The following ABCA1 variants were observed in gnomAD, a reference collection of about 807,000 sequenced individuals.
ABCA1 encodes the protein ATP binding cassette subfamily A member 1, also known as phospholipid-transporting ATPase ABCA1.
Under a neutral mutation model 262.5 loss-of-function variants are expected in ABCA1, and 133 were observed. The observed-to-expected ratio is 0.51, with a 90% CI of 0.44 to 0.59. ABCA1 has a LOEUF of 0.59. Among genes scored for constraint, ABCA1 ranks in the 20% least tolerant of loss-of-function variants. ABCA1 has a pLI of 0.00. For missense variants in ABCA1, 2,452 were observed against 2,777.5 expected, an observed-to-expected ratio of 0.88 and a Z score of 2.63; for synonymous variants, 1,022 against 1,043.5, an observed-to-expected ratio of 0.98 and a Z score of 0.40.
intron 5 of ABCA1, among the ~76,000 whole-genome samples, chr9:104,870,865 G>A (rs575601804): frequency 6.6e-6 from 1 of 152,220 alleles, no homozygotes; most frequent in South Asian, 2.1e-4. Context: ...AGGGGCAGGG[G>A]GTCACAAGGT....
At chr9:104,816,418 A>C (rs1588284507) in intron 24 of ABCA1, 73 bp from the exon 25 acceptor site, 11 of 1,432,626 alleles carry the variant, frequency 7.7e-6, no homozygotes, top group Admixed American at 3.4e-5. Context: ...GCCATCCCCC[A>C]CCCTCTCATC....
At chr9:104,868,085 C>G (rs1366862542) in intron 5 of ABCA1, among the ~76,000 whole-genome samples, 4 of 152,148 alleles carry the variant, frequency 2.6e-5, no homozygotes, top group African/African-American at 9.7e-5. Flanking sequence ...CCTCAGTTTC[C>G]TTGGATATAA....
chr9:104,859,695 C>T (rs972867643), intron 6 of ABCA1, among the ~76,000 whole-genome samples: 3 of 152,188 alleles, frequency 2.0e-5, no homozygotes, highest in Non-Finnish European at 4.4e-5. Context: ...CAGTTCTACT[C>T]ATTTCTTTAA....
chr9:104,797,509 T>C (rs1830000680), intron 37 of ABCA1, among the ~76,000 whole-genome samples: 1 of 152,220 alleles, frequency 6.6e-6, no homozygotes, highest in Non-Finnish European at 1.5e-5. Context: ...CAACTCCCTC[T>C]GGACCCATAA....
intron 1 of ABCA1, among the ~76,000 whole-genome samples, chr9:104,926,767 C>A (rs1245190175): frequency 6.6e-6 from 1 of 152,232 alleles, no homozygotes; most frequent in Non-Finnish European, 1.5e-5. Flanking sequence ...ACCACCTCGG[C>A]CCAGCTTCCC....
chr9:104,847,728 C>T (rs116606062), intron 7 of ABCA1, among the ~76,000 whole-genome samples: 3,127 of 152,328 alleles, frequency 0.021, 83 homozygotes, highest in African/African-American at 0.059. Flanking sequence ...TGAAGACATC[C>T]TCATCCTGAT....
intron 7 of ABCA1, chr9:104,856,123 G>A (rs1471998205): frequency 6.4e-7 from 1 of 1,556,486 alleles, no homozygotes; most frequent in South Asian, 1.2e-5. Flanking sequence ...CAACCAAGCA[G>A]CAATAGAAAA....
chr9:104,795,556 G>A (rs991155474), intron 39 of ABCA1, among the ~76,000 whole-genome samples: 3 of 152,190 alleles, frequency 2.0e-5, no homozygotes, highest in Admixed American at 6.5e-5. Flanking sequence ...AAAGCATTAA[G>A]TTCCAAGGGG....
intron 14 of ABCA1, 103 bp from the exon 15 acceptor site, chr9:104,829,241 T>A: frequency 8.8e-7 from 1 of 1,133,636 alleles, no homozygotes; most frequent in Non-Finnish European, 1.3e-6. Context: ...GCACCACATC[T>A]GGGCCACAGA....
chr9:104,822,956 T>C (rs1028299672), intron 18 of ABCA1, among the ~76,000 whole-genome samples: 1 of 151,332 alleles, frequency 6.6e-6, no homozygotes, highest in African/African-American at 2.4e-5. Flanking sequence ...CATCTAAAAA[T>C]GCCATGGAAC....
intron 46 of ABCA1, 185 bp downstream of exon 46, chr9:104,787,735 G>T: frequency 1.4e-6 from 1 of 695,988 alleles, no homozygotes; most frequent in Non-Finnish European, 1.8e-6. Flanking sequence ...AGCATCTGCA[G>T]GCATGGTACA....
intron 1 of ABCA1, among the ~76,000 whole-genome samples, chr9:104,926,482 AAC>A (rs1564312383): frequency 8.0e-5 from 12 of 149,160 alleles, no homozygotes; most frequent in Non-Finnish European, 1.0e-4. Flanking sequence ...AAAAAAAAAA[AAC>A]AAAACGGGCT....
intron 40 of ABCA1, among the ~76,000 whole-genome samples, 168 bp downstream of exon 40, chr9:104,794,219 C>T (rs759283710): frequency 6.6e-6 from 1 of 152,214 alleles, no homozygotes; most frequent in Non-Finnish European, 1.5e-5. Flanking sequence ...TGTCACAAAA[C>T]CCATGCCACA....
In ABCA1 at chr9:104,798,438, T is replaced by C. The variant is rs759551873; in HGVS notation, c.5104A>G (p.Asn1702Asp). ...GVKPVIYWLSNFVWDMCNYVV... is the reference protein window; with the variant it reads ...GVKPVIYWLSDFVWDMCNYVV... The stretch of plus-strand genomic sequence containing the variant: ...GTCCTTACCATATCCCAGACAAAAT[T>C]AGAGAGCCAGTAGATGACAGGCTTC... The change falls in exon 37 of 50, where the codon AAT (asparagine) becomes GAT (aspartate). Residue 1702 changes from asparagine to aspartate, a missense_variant. By Grantham distance (23) the Asn-to-Asp change is conservative. Around this residue, in one of 4 missense-constraint regions of ABCA1, gnomAD observed 752 missense variants for 944.5 expected, o/e 0.80. Coordinates refer to ENST00000374736, the MANE Select transcript of ABCA1 (RefSeq NM_005502.4). The C allele has an allele frequency of 2.5e-6, 4 of 1,614,030 alleles. No individual in the cohort carries two copies. The Admixed American group carries it at 6.7e-5, about 27-fold the overall frequency.
Position 104,837,714 on chromosome 9 carries a change from T to G in ABCA1, c.1055-147A>C. Reference sequence around the variant, plus strand: ...AATAAGTAACTTATCTGAGCCTCAGTTGGCTCCTCTGTAAAAGTAAAATTC... The same window carrying G: ...AATAAGTAACTTATCTGAGCCTCAGGTGGCTCCTCTGTAAAAGTAAAATTC... On this transcript the variant is annotated intron_variant, in intron 9 of 49. Coordinates refer to ENST00000374736, the MANE Select transcript of ABCA1 (RefSeq NM_005502.4). 4 of 932,494 alleles carry G rather than the reference T, an allele frequency of 4.3e-6. No homozygotes were observed. In the South Asian group the frequency reaches 5.9e-5, roughly 14 times the overall value. 57.8% of individuals were successfully genotyped at this position (932,494 alleles called of 1,614,324 possible).
intron 39 of ABCA1, among the ~76,000 whole-genome samples, chr9:104,795,687 ATC>A (rs1829833828): frequency 6.6e-6 from 1 of 152,212 alleles, no homozygotes; most frequent in African/African-American, 2.4e-5. Context: ...AAAGGCATTG[ATC>A]TTAGAGATGA....
At position 104,785,349 on chromosome 9, in the gene ABCA1, G is replaced by C. The variant is rs748618027; in HGVS notation, c.6645+47C>G. 25 of 1,611,364 alleles carry C rather than the reference G, an allele frequency of 1.6e-5. No individual in the cohort carries two copies. The Admixed American group carries it at 4.2e-4, about 27-fold the overall frequency. On this transcript the variant is annotated intron_variant, in intron 49 of 49. Coordinates refer to ENST00000374736, the MANE Select transcript of ABCA1 (RefSeq NM_005502.4). The stretch of plus-strand genomic sequence containing the variant: ...CCTATGGGCGGGAGTGTCGGGGCAG[G>C]AATCCACACCCTGAGAAGTAAATCT...
rs1345324056 is a variant in ABCA1, at chr9:104,783,206, G to C, written c.*1109C>G. On this transcript the variant is annotated 3_prime_UTR_variant, in exon 50 of 50. Transcript: ENST00000374736. ...AGTGGCCATACTCCTCTATACCACA[G>C]GGTTCTACAAAGAGGCCATTCTAAG... 1.3e-5 allele frequency: 2 copies of C among 152,164 alleles called. No individual in the cohort carries two copies. Among genetic ancestry groups the C allele is most frequent in the Non-Finnish European group, 1.5e-5 (1 of 68,034 alleles). The allele number at this position is 152,164 out of a possible 1,614,324, so 9.4% of individuals were successfully genotyped here.
chr9:104,876,810 A>G (rs1216418207), intron 5 of ABCA1, among the ~76,000 whole-genome samples: 5 of 152,138 alleles, frequency 3.3e-5, no homozygotes, highest in Non-Finnish European at 1.5e-5. Flanking sequence ...GTGGGGAGTG[A>G]GGATGACTCC....
Sources: allele counts gnomAD v4.1 joint callset (sites outside exome capture counted in the v4.1 genomes callset), GRCh38; gene constraint gnomAD v4.1.1; regional missense constraint gnomAD v4.1.1; transcripts MANE v1.5; gene names NCBI Gene and HGNC (gene_info 2026-07-23, HGNC 2026-07-21).